Variants in RMST observed in about 807,000 individuals in gnomAD.
RMST encodes rhabdomyosarcoma 2 associated transcript.
chr12:97,464,007 TAAGAAATAATGAATGAGTCGCACGCTAAA>T (rs1872886681), intron 4 of RMST, among the ~76,000 whole-genome samples: 1 of 152,072 alleles, frequency 6.6e-6, no homozygotes, highest in Non-Finnish European at 1.5e-5. Context: ...TTCGAGGAAA[TAAGAAATAATGAATGAGTCGCACGCTAAA>T]AAGAAATCTG....
At chr12:97,490,444 C>T (rs1436773291) in intron 5 of RMST, among the ~76,000 whole-genome samples, 1 of 152,134 alleles carries the variant, frequency 6.6e-6, no homozygotes, top group Non-Finnish European at 1.5e-5. Flanking sequence ...CCTGTTTCGT[C>T]ATCTGTTAAA....
At chr12:97,484,238 A>G (rs1304163535) in intron 5 of RMST, among the ~76,000 whole-genome samples, 1 of 152,168 alleles carries the variant, frequency 6.6e-6, no homozygotes, top group African/African-American at 2.4e-5. Flanking sequence ...TACAACCATA[A>G]GAGCTATGCC....
At chr12:97,470,770 T>G (rs534038923) in intron 5 of RMST, among the ~76,000 whole-genome samples, 6 of 152,126 alleles carry the variant, frequency 3.9e-5, no homozygotes, top group Non-Finnish European at 8.8e-5. Flanking sequence ...TGTTTTACAC[T>G]CTAAGTGATT....
At chr12:97,536,908 A>T (rs932222406) in intron 11 of RMST, among the ~76,000 whole-genome samples, 2 of 151,498 alleles carry the variant, frequency 1.3e-5, no homozygotes, top group Non-Finnish European at 3.0e-5. Context: ...ACTTCACAAC[A>T]ATGAAACTAG....
chr12:97,489,094 ATAAAAACAAT>A (rs1349028950), intron 5 of RMST, among the ~76,000 whole-genome samples: 2 of 152,226 alleles, frequency 1.3e-5, no homozygotes, highest in African/African-American at 4.8e-5. Flanking sequence ...GAATTATGAT[ATAAAAACAAT>A]TAAGCAAGCA....
At chr12:97,467,275 G>A (rs1488965380) in intron 5 of RMST, among the ~76,000 whole-genome samples, 1 of 151,956 alleles carries the variant, frequency 6.6e-6, no homozygotes, top group Non-Finnish European at 1.5e-5. Flanking sequence ...TTCAGGAGAT[G>A]TACACACAAG....
At chr12:97,483,016 G>A (rs960872812) in intron 5 of RMST, among the ~76,000 whole-genome samples, 1 of 151,780 alleles carries the variant, frequency 6.6e-6, no homozygotes, top group African/African-American at 2.4e-5. Flanking sequence ...CCAGGTGCAC[G>A]GCTCACGGGA....
At chr12:97,546,061 T>G (rs908119329) in intron 11 of RMST, among the ~76,000 whole-genome samples, 2 of 152,108 alleles carry the variant, frequency 1.3e-5, no homozygotes, top group Admixed American at 6.6e-5. Context: ...GAGGATGACT[T>G]AAGTAGAGCT....
intron 5 of RMST, among the ~76,000 whole-genome samples, chr12:97,487,787 G>C (rs958621055): frequency 2.0e-5 from 3 of 152,150 alleles, no homozygotes; most frequent in African/African-American, 4.8e-5. Flanking sequence ...TTAGCTCCTC[G>C]CAGTCTTTGT....
chr12:97,515,250 C>T (rs1879810466), intron 10 of RMST, among the ~76,000 whole-genome samples: 1 of 152,000 alleles, frequency 6.6e-6, no homozygotes, highest in Non-Finnish European at 1.5e-5. Flanking sequence ...TATTCATGTG[C>T]TTTATTATTC....
intron 11 of RMST, among the ~76,000 whole-genome samples, chr12:97,547,602 A>C (rs1883032834): frequency 6.6e-6 from 1 of 151,996 alleles, no homozygotes; most frequent in East Asian, 1.9e-4. Flanking sequence ...AGTTGAGGTG[A>C]TATCTGATTA....
intron 11 of RMST, among the ~76,000 whole-genome samples, chr12:97,542,933 T>C (rs1359451661): frequency 2.6e-5 from 4 of 151,992 alleles, no homozygotes; most frequent in African/African-American, 9.7e-5. Context: ...TTAATGAAGT[T>C]ACCACAGTGT....
At position 97,554,769 on chromosome 12, in the gene RMST, T is replaced by C. The variant is rs149138416; in HGVS notation, n.1546-5768T>C. ...AATGTTTTGTTATTGGCTGCTTATA[T>C]TGCTGGTAGTAGTGATTATGGAATA... On this transcript the variant is annotated intron_variant and non_coding_transcript_variant, in intron 11 of 13. Coordinates refer to ENST00000640149, the Ensembl canonical transcript of RMST. Among the ~76,000 whole-genome samples the C allele has an allele frequency of 2.1e-3, 326 of 152,326 alleles. 2 individuals are homozygous for C. The highest frequency in any genetic ancestry group is 7.6e-3 in the African/African-American group (314 of 41,588).
intron 6 of RMST, chr12:97,492,654 C>T (rs565639855): frequency 6.6e-6 from 1 of 152,072 alleles, no homozygotes; most frequent in African/African-American, 2.4e-5. Flanking sequence ...TTTGTTTTTG[C>T]ATTTGTGTTT....
intron 4 of RMST, among the ~76,000 whole-genome samples, chr12:97,463,778 C>T (rs1245527652): frequency 6.6e-6 from 1 of 151,850 alleles, no homozygotes; most frequent in Non-Finnish European, 1.5e-5. Flanking sequence ...ATGTTTTCAA[C>T]ATAGATTTAA....
intron 13 of RMST, among the ~76,000 whole-genome samples, chr12:97,562,749 TG>T (rs1159729504): frequency 6.6e-6 from 1 of 152,226 alleles, no homozygotes; most frequent in Non-Finnish European, 1.5e-5. Flanking sequence ...ATTGAATTTA[TG>T]TATGCACTTC....
At chr12:97,519,694 C>CT (rs1223061313) in intron 10 of RMST, among the ~76,000 whole-genome samples, 1 of 152,248 alleles carries the variant, frequency 6.6e-6, no homozygotes, top group Middle Eastern at 3.4e-3. Flanking sequence ...TACAACATAA[C>CT]TTTTTTGTGA....
intron 11 of RMST, among the ~76,000 whole-genome samples, chr12:97,557,582 G>A (rs2136665704): frequency 6.6e-6 from 1 of 152,266 alleles, no homozygotes; most frequent in South Asian, 2.1e-4. Context: ...CCATTTCTGA[G>A]ATATATCGTC....
intron 10 of RMST, among the ~76,000 whole-genome samples, chr12:97,512,398 CG>C (rs1312412735): frequency 2.0e-5 from 3 of 152,156 alleles, no homozygotes; most frequent in South Asian, 2.1e-4. Flanking sequence ...CTGCTGGCTC[CG>C]GCAGCCTGCT....
Sources: allele counts gnomAD v4.1 joint callset (sites outside exome capture counted in the v4.1 genomes callset), GRCh38; gene constraint gnomAD v4.1.1; transcripts MANE v1.5; gene names NCBI Gene and HGNC (gene_info 2026-07-23, HGNC 2026-07-21).